ALK: variants seen among roughly 807,000 people sequenced by gnomAD.
ALK encodes ALK tyrosine kinase receptor.
Under a neutral mutation model 163.1 loss-of-function variants are expected in ALK, and 74 were observed. The ratio of observed to expected loss-of-function variants is 0.45; its 90% CI spans 0.38 to 0.55. The LOEUF (loss-of-function observed/expected upper bound fraction) is 0.55. Among genes scored for constraint, ALK ranks in the 20% least tolerant of loss-of-function variants. The pLI is 0.00. For missense variants in ALK, 2,063 were observed against 2,105.3 expected, an observed-to-expected ratio of 0.98 and a Z score of 0.39; for synonymous variants, 960 against 843.2, an observed-to-expected ratio of 1.14 and a Z score of -2.40.
At chr2:29,432,082 C>A (rs1044473753) in intron 4 of ALK, among the ~76,000 whole-genome samples, 32 of 152,056 alleles carry the variant, frequency 2.1e-4, no homozygotes, top group African/African-American at 7.2e-4. Flanking sequence ...ACCCCTGAAG[C>A]CTAGGTTACA....
At position 29,408,081 on chromosome 2, in the gene ALK, C is replaced by CTTTTT. The variant is rs760683752; in HGVS notation, c.1155-24227_1155-24223dup. ...TAGGCAAAGGTACTCAGGGAAAGTTCTTTTTCTTTTTTTTTTTTTGAGATG... is the reference window on the plus strand; with the variant it reads ...TAGGCAAAGGTACTCAGGGAAAGTTCTTTTTTTTTTCTTTTTTTTTTTTTGAGATG... On this transcript the variant is annotated intron_variant, in intron 4 of 28. Transcript: ENST00000389048. Among the ~76,000 whole-genome samples the CTTTTT allele has an allele frequency of 7.1e-5, 10 of 140,886 alleles. 2 individuals carry two copies. Among genetic ancestry groups the CTTTTT allele is most frequent in the South Asian group, 2.2e-4 (1 of 4,552 alleles). The allele number at this position is 140,886 out of a possible 152,430, so 92.4% of individuals were successfully genotyped here.
At chr2:29,435,444 C>T (rs757664581) in intron 4 of ALK, among the ~76,000 whole-genome samples, 17 of 151,932 alleles carry the variant, frequency 1.1e-4, no homozygotes, top group African/African-American at 2.7e-4. Context: ...CTGAGCACTT[C>T]GTAAGATTAA....
At position 29,395,226 on chromosome 2, in the gene ALK, C is replaced by T. The variant is rs1344620156; in HGVS notation, c.1155-11367G>A. On this transcript the variant is annotated intron_variant, in intron 4 of 28. Coordinates refer to ENST00000389048, the MANE Select transcript of ALK (RefSeq NM_004304.5). Reference sequence around the variant, plus strand: ...AAATGCTGACACCCAAGCCCAAAGGCTCCATTTCAGCCATAAATCTCTGGC... The same window carrying T: ...AAATGCTGACACCCAAGCCCAAAGGTTCCATTTCAGCCATAAATCTCTGGC... Among the ~76,000 whole-genome samples, 8 of 152,154 alleles carry T rather than the reference C, an allele frequency of 5.3e-5. No homozygotes were observed. In the East Asian group the frequency reaches 7.8e-4, roughly 15 times the overall value.
intron 3 of ALK, among the ~76,000 whole-genome samples, chr2:29,586,407 A>C (rs1674890127): frequency 6.6e-6 from 1 of 152,148 alleles, no homozygotes; most frequent in South Asian, 2.1e-4. Context: ...TTTAATTCTT[A>C]TCTACATTTG....
intron 4 of ALK, among the ~76,000 whole-genome samples, chr2:29,486,548 G>GT (rs1671780926): frequency 6.6e-6 from 1 of 152,144 alleles, no homozygotes; most frequent in East Asian, 1.9e-4. Flanking sequence ...GATCAATGAC[G>GT]TCTTGAAGTC....
intron 12 of ALK, among the ~76,000 whole-genome samples, chr2:29,241,970 G>T (rs1664537004): frequency 6.6e-6 from 1 of 152,130 alleles, no homozygotes; most frequent in Non-Finnish European, 1.5e-5. Flanking sequence ...AAAGAGAGGG[G>T]TCTGAGAAGC....
intron 5 of ALK, among the ~76,000 whole-genome samples, chr2:29,369,209 C>A (rs75099984): frequency 0.012 from 1,770 of 152,244 alleles, 43 homozygotes; most frequent in African/African-American, 0.04. Context: ...AGACCTCAAT[C>A]TCTAATTAAA....
chr2:29,292,092 A>C (rs1374939170), intron 9 of ALK, among the ~76,000 whole-genome samples: 1 of 152,252 alleles, frequency 6.6e-6, no homozygotes, highest in African/African-American at 2.4e-5. Flanking sequence ...CAAAGGGAAC[A>C]GGAAATCTAA....
At chr2:29,910,332 G>C (rs1446356877) in intron 1 of ALK, among the ~76,000 whole-genome samples, 1 of 152,040 alleles carries the variant, frequency 6.6e-6, no homozygotes, top group Non-Finnish European at 1.5e-5. Flanking sequence ...GAAATACAGA[G>C]AGAAAAGGGG....
At chr2:29,352,670 A>C (rs938076242) in intron 5 of ALK, among the ~76,000 whole-genome samples, 1 of 152,252 alleles carries the variant, frequency 6.6e-6, no homozygotes, top group African/African-American at 2.4e-5. Flanking sequence ...ATCCATCTGC[A>C]GAGGAATTGT....
intron 3 of ALK, among the ~76,000 whole-genome samples, chr2:29,549,500 A>G (rs1022109827): frequency 2.0e-5 from 3 of 152,226 alleles, no homozygotes; most frequent in African/African-American, 7.2e-5. Flanking sequence ...CAATAGCCAC[A>G]TGTGGTTTTT....
At chr2:29,557,811 T>C (rs1364678103) in intron 3 of ALK, among the ~76,000 whole-genome samples, 1 of 152,030 alleles carries the variant, frequency 6.6e-6, no homozygotes, top group Non-Finnish European at 1.5e-5. Flanking sequence ...GAGATTGAGA[T>C]TTTAGGGTGT....
intron 4 of ALK, among the ~76,000 whole-genome samples, chr2:29,404,001 T>C (rs1023391295): frequency 2.0e-5 from 3 of 151,648 alleles, no homozygotes; most frequent in African/African-American, 7.3e-5. Flanking sequence ...AAAAATAAAA[T>C]TGTCTATAAA....
chr2:29,630,094 G>A (rs903678048), intron 3 of ALK, among the ~76,000 whole-genome samples: 9 of 152,114 alleles, frequency 5.9e-5, no homozygotes, highest in East Asian at 3.9e-4. Flanking sequence ...GAGTCTGGGC[G>A]GAAATTTGAT....
At chr2:29,358,196 T>C (rs975131078) in intron 5 of ALK, among the ~76,000 whole-genome samples, 2 of 152,222 alleles carry the variant, frequency 1.3e-5, no homozygotes, top group Non-Finnish European at 2.9e-5. Context: ...AATCTGCAAA[T>C]GTATTAAAAC....
chr2:29,529,922 AG>A (rs774552673), intron 4 of ALK, among the ~76,000 whole-genome samples: 16 of 152,180 alleles, frequency 1.1e-4, no homozygotes, highest in Admixed American at 6.5e-5. Flanking sequence ...CCTTGGGAAG[AG>A]GATAAGTTGG....
intron 28 of ALK, among the ~76,000 whole-genome samples, chr2:29,194,914 G>T (rs888765793): frequency 1.3e-5 from 2 of 152,154 alleles, no homozygotes; most frequent in African/African-American, 4.8e-5. Context: ...CACAGTAATA[G>T]ACTGTAACAT....
At chr2:29,901,690 C>T (rs559998248) in intron 1 of ALK, among the ~76,000 whole-genome samples, 3 of 152,294 alleles carry the variant, frequency 2.0e-5, no homozygotes, top group African/African-American at 4.8e-5. Context: ...TTAAACATTT[C>T]CTCCTATAAA....
In ALK at chr2:29,219,773, G is replaced by A. The variant is rs76880415; in HGVS notation, c.3645+933C>T. Among the ~76,000 whole-genome samples, 1,437 of 152,330 alleles carry A rather than the reference G, an allele frequency of 9.4e-3. 17 individuals are homozygous for A. Among genetic ancestry groups the A allele is most frequent in the African/African-American group, 0.033 (1,365 of 41,564 alleles). The stretch of plus-strand genomic sequence containing the variant: ...ATACCCAGGTTAAAGGTTTAAGACT[G>A]CCCTAAACTACACGGGTGTCTAATG... On this transcript the variant is annotated intron_variant, in intron 23 of 28. Transcript: ENST00000389048.
Sources: allele counts gnomAD v4.1 joint callset (sites outside exome capture counted in the v4.1 genomes callset), GRCh38; gene constraint gnomAD v4.1.1; transcripts MANE v1.5; gene names NCBI Gene and HGNC (gene_info 2026-07-23, HGNC 2026-07-21).